Variants in LTBP1 observed in about 807,000 individuals in gnomAD.
LTBP1 encodes the protein latent transforming growth factor beta binding protein 1.
A neutral mutation model predicts 207.6 loss-of-function variants in LTBP1; 129 were observed. The observed-to-expected ratio is 0.62, with a 90% CI of 0.54 to 0.72. LTBP1 has a LOEUF of 0.72. LTBP1 is among the 30% of genes least tolerant of loss of function. LTBP1 has a pLI of 0.00. For synonymous variants in LTBP1, 963 were observed against 833.7 expected, an observed-to-expected ratio of 1.16 and a Z score of -2.67; for missense variants, 2,281 against 2,217.2, an observed-to-expected ratio of 1.03 and a Z score of -0.58.
intron 26 of LTBP1, among the ~76,000 whole-genome samples, chr2:33,356,009 C>T (rs753003926): frequency 6.6e-6 from 1 of 151,622 alleles, no homozygotes; most frequent in Non-Finnish European, 1.5e-5. Context: ...TTTCTGTTAC[C>T]GAACACCAGG....
chr2:33,299,312 A>G (rs766336535), intron 20 of LTBP1, among the ~76,000 whole-genome samples: 7 of 152,224 alleles, frequency 4.6e-5, no homozygotes, highest in African/African-American at 7.2e-5. Context: ...TGAAAGGCCT[A>G]TACAGTTAAT....
chr2:33,294,910 T>G (rs2093846279), intron 20 of LTBP1, among the ~76,000 whole-genome samples: 1 of 152,022 alleles, frequency 6.6e-6, no homozygotes, highest in East Asian at 1.9e-4. Context: ...ATTTGGTTTT[T>G]TTTTTAATTG....
chr2:32,984,634 A>G (rs1232346996), intron 2 of LTBP1, among the ~76,000 whole-genome samples: 1 of 152,202 alleles, frequency 6.6e-6, no homozygotes, highest in African/African-American at 2.4e-5. Context: ...GTGAAAAACA[A>G]TTCTGGGCCA....
intron 15 of LTBP1, among the ~76,000 whole-genome samples, chr2:33,270,584 C>T (rs1282436548): frequency 5.1e-5 from 5 of 97,768 alleles, no homozygotes; most frequent in Admixed American, 2.6e-4. Flanking sequence ...AGCAAGACTC[C>T]GTCTCAAAAA....
chr2:33,236,268 T>C (rs1268769448), intron 9 of LTBP1, among the ~76,000 whole-genome samples: 1 of 152,206 alleles, frequency 6.6e-6, no homozygotes, highest in Non-Finnish European at 1.5e-5. Context: ...GAAACTGTCA[T>C]GTACTTAGTT....
chr2:33,315,674 G>T (rs1009356608), intron 24 of LTBP1, among the ~76,000 whole-genome samples: 4 of 152,176 alleles, frequency 2.6e-5, no homozygotes, highest in African/African-American at 9.7e-5. Flanking sequence ...GCTGGGTGCG[G>T]TGGCTCACAC....
In LTBP1 at chr2:33,102,171, C is replaced by T. The variant is rs144625796; in HGVS notation, c.864-8411C>T. Among the ~76,000 whole-genome samples the T allele has an allele frequency of 4.1e-3, 625 of 152,170 alleles. 9 individuals are homozygous for T. The highest frequency in any genetic ancestry group is 0.014 in the African/African-American group (580 of 41,512). ...TCTGTAAACCTGTCTGTCATTGGCT[C>T]TTCATTCATATCTGTTGTAATAGTT... On this transcript the variant is annotated intron_variant, in intron 3 of 33. Transcript: ENST00000404816.
At chr2:32,994,491 A>G (rs1214559988) in intron 2 of LTBP1, among the ~76,000 whole-genome samples, 1 of 148,528 alleles carries the variant, frequency 6.7e-6, no homozygotes, top group Non-Finnish European at 1.5e-5. Context: ...TTTGAGATAG[A>G]GTTTCGCTCT....
chr2:33,153,706 C>T (rs1034396794), intron 5 of LTBP1, among the ~76,000 whole-genome samples: 4 of 152,126 alleles, frequency 2.6e-5, no homozygotes, highest in African/African-American at 9.7e-5. Context: ...CTTGCCAATT[C>T]CTGGTAAATT....
chr2:32,990,702 G>A (rs988871558), intron 2 of LTBP1, among the ~76,000 whole-genome samples: 1 of 152,144 alleles, frequency 6.6e-6, no homozygotes, highest in Admixed American at 6.5e-5. Flanking sequence ...GTTTTGCACA[G>A]TAGTGCAAAA....
At chr2:33,084,479 T>C (rs2078632814) in intron 3 of LTBP1, among the ~76,000 whole-genome samples, 1 of 152,064 alleles carries the variant, frequency 6.6e-6, no homozygotes, top group Non-Finnish European at 1.5e-5. Context: ...CTCTTAGGGA[T>C]CCCGGGTGAT....
intron 3 of LTBP1, among the ~76,000 whole-genome samples, chr2:33,036,522 A>T (rs373952231): frequency 6.6e-6 from 1 of 151,858 alleles, no homozygotes; most frequent in Non-Finnish European, 1.5e-5. Flanking sequence ...CAGTGGGGCA[A>T]TCTCAGCTCA....
chr2:33,267,729 A>C (rs1362633715), intron 15 of LTBP1, among the ~76,000 whole-genome samples: 1 of 152,226 alleles, frequency 6.6e-6, no homozygotes, highest in Non-Finnish European at 1.5e-5. Flanking sequence ...ACTTAAATGG[A>C]CAAACCTCTT....
At chr2:33,329,189 C>A (rs963514391) in intron 24 of LTBP1, among the ~76,000 whole-genome samples, 2 of 152,156 alleles carry the variant, frequency 1.3e-5, no homozygotes, top group Non-Finnish European at 2.9e-5. Flanking sequence ...TGTCATTCCT[C>A]TTAAGGTTTA....
At chr2:33,118,216 A>G (rs2080886047) in intron 4 of LTBP1, among the ~76,000 whole-genome samples, 1 of 150,968 alleles carries the variant, frequency 6.6e-6, no homozygotes, top group Non-Finnish European at 1.5e-5. Context: ...AAAAAAAAAC[A>G]ACAAAAAAAA....
At chr2:33,270,879 A>G (rs1361837818) in intron 15 of LTBP1, among the ~76,000 whole-genome samples, 1 of 152,184 alleles carries the variant, frequency 6.6e-6, no homozygotes, top group African/African-American at 2.4e-5. Flanking sequence ...TCAACTAAAA[A>G]TCAACAAACA....
chr2:33,250,726 T>A (rs577220027), intron 10 of LTBP1, among the ~76,000 whole-genome samples: 1 of 152,116 alleles, frequency 6.6e-6, no homozygotes, highest in South Asian at 2.1e-4. Flanking sequence ...GCATGCTGGG[T>A]CCCACACACA....
chr2:33,133,672 A>G (rs1643141217), intron 4 of LTBP1, among the ~76,000 whole-genome samples: 1 of 152,166 alleles, frequency 6.6e-6, no homozygotes, highest in South Asian at 2.1e-4. Context: ...CAGTACAGAA[A>G]TGAATGAGGG....
In LTBP1 at chr2:33,361,498, G is replaced by A. The variant is rs376120556; in HGVS notation, c.4253G>A (p.Gly1418Asp). 137 of 1,613,074 alleles carry A rather than the reference G, an allele frequency of 8.5e-5. No individual in the cohort carries two copies. The highest frequency in any genetic ancestry group is 1.1e-4 in the Non-Finnish European group (134 of 1,179,490). The stretch of plus-strand genomic sequence containing the variant: ...GCTGGAGAATCATCTTCTGAAGCTG[G>A]TGGTGAGAACTATAAAGGTCAGAAT... ...VPAGESSSEAGGENYKDADEC... is the reference protein window; with the variant it reads ...VPAGESSSEADGENYKDADEC... Residue 1418 changes from glycine to aspartate, a missense_variant, in exon 28 of 34, where the codon GGT becomes GAT. Gly to Asp is a moderately conservative substitution (Grantham distance 94). Around this residue, in one of 3 missense-constraint regions of LTBP1, gnomAD observed 1,671 missense variants for 1,634.8 expected, o/e 1.02. Transcript: ENST00000404816.
Sources: gnomAD v4.1 joint callset for allele counts (sites outside exome capture counted in the v4.1 genomes callset) on GRCh38, gnomAD v4.1.1 for gene constraint, gnomAD v4.1.1 regional missense constraint, MANE v1.5 for transcripts, NCBI Gene and HGNC (gene_info 2026-07-23, HGNC 2026-07-21) for gene names.